Variants in TMPRSS11A observed in about 807,000 individuals in gnomAD.
The protein encoded by TMPRSS11A is transmembrane protease serine 11A.
In TMPRSS11A, 53 loss-of-function variants were observed where a neutral mutation model predicts 58.9. That is an observed-to-expected ratio of 0.90 (90% CI 0.72 to 1.13). The LOEUF (loss-of-function observed/expected upper bound fraction) is 1.13, where lower values mean the gene tolerates loss of function less well. Among genes scored for constraint, TMPRSS11A ranks in the 50% most tolerant of loss-of-function variants. The pLI is 0.00. For missense variants in TMPRSS11A, 493 were observed against 499.3 expected, an observed-to-expected ratio of 0.99 and a Z score of 0.12; for synonymous variants, 167 against 169.8, an observed-to-expected ratio of 0.98 and a Z score of 0.13.
At chr4:67,922,978 A>C in intron 6 of TMPRSS11A, 52 bp from the exon 7 acceptor site, 1 of 1,571,836 alleles carries the variant, frequency 6.4e-7, no homozygotes, top group Non-Finnish European at 8.7e-7. Context: ...TAATTACAGG[A>C]AATGACCCCA....
chr4:67,948,153 T>TC (rs1308807262), intron 1 of TMPRSS11A, among the ~76,000 whole-genome samples: 1 of 141,058 alleles, frequency 7.1e-6, no homozygotes, highest in African/African-American at 2.7e-5. Context: ...TTTTCTTTTT[T>TC]TTTTTTTTTT....
chr4:67,910,766 G>A lies in TMPRSS11A; in HGVS notation c.*576C>T, dbSNP rs1200713446. ...GAGGTTTTATAACTAAAAAAAGTTA[G>A]AAGATCTCTGGCTTGTTTTACTATC... On this transcript the variant is annotated 3_prime_UTR_variant, in exon 10 of 10. Coordinates refer to ENST00000508048, the MANE Select transcript of TMPRSS11A (RefSeq NM_001114387.2). 6 of 151,832 alleles carry A rather than the reference G, an allele frequency of 4.0e-5. No homozygotes were observed. The highest frequency in any genetic ancestry group is 1.9e-4 in the East Asian group (1 of 5,188). 9.4% of individuals were successfully genotyped at this position (151,832 alleles called of 1,614,324 possible).
chr4:67,911,673 G>T (rs955791994), intron 9 of TMPRSS11A, among the ~76,000 whole-genome samples, 170 bp from the exon 10 acceptor site: 29 of 152,100 alleles, frequency 1.9e-4, no homozygotes, highest in Middle Eastern at 3.4e-3. Context: ...GAGCCTTAAG[G>T]TTCAACTTTC....
rs1181446123 is a variant in TMPRSS11A, at chr4:67,910,393, T to C, written c.*949A>G. 6.6e-6 allele frequency: 1 copy of C among 152,116 alleles called. No individual in the cohort carries two copies. Among genetic ancestry groups the C allele is most frequent in the Non-Finnish European group, 1.5e-5 (1 of 67,948 alleles). 9.4% of individuals were successfully genotyped at this position (152,116 alleles called of 1,614,324 possible). A position where few individuals can be genotyped will look rare whatever the true frequency, so the allele number is the denominator to read the frequency against. ...TAGCAATGCGAGGGCATAAAATTTT[T>C]CTTGCTACGGAGGAACATAATGTTC... On this transcript the variant is annotated 3_prime_UTR_variant, in exon 10 of 10. Coordinates refer to ENST00000508048, the MANE Select transcript of TMPRSS11A (RefSeq NM_001114387.2).
intron 9 of TMPRSS11A, among the ~76,000 whole-genome samples, chr4:67,912,087 A>G (rs1041263779): frequency 1.3e-5 from 2 of 152,300 alleles, no homozygotes; most frequent in African/African-American, 4.8e-5. Flanking sequence ...TATTTGGATT[A>G]CAGAAATCTT....
Position 67,923,483 on chromosome 4 carries a change from G to T in TMPRSS11A, c.521-557C>A, listed in dbSNP as rs1040397295. 2.6e-5 allele frequency among the ~76,000 whole-genome samples: 4 copies of T among 152,232 alleles called. No individual in the cohort carries two copies. In the South Asian group the frequency reaches 8.3e-4, roughly 32 times the overall value. ...GTGATTTAATGAAGCCACTGTTAGC[G>T]ATTAAGATGAATCTATTAAGCATAT... On this transcript the variant is annotated intron_variant, in intron 6 of 9. Transcript: ENST00000508048.
At chr4:67,924,407 G>A (rs1364718889) in intron 5 of TMPRSS11A, among the ~76,000 whole-genome samples, 1 of 152,182 alleles carries the variant, frequency 6.6e-6, no homozygotes, top group African/African-American at 2.4e-5. Flanking sequence ...CACAAATAGT[G>A]GATGACTAAA....
At position 67,944,642 on chromosome 4, in the gene TMPRSS11A, A is replaced by G. The variant is rs375135683; in HGVS notation, c.134-5T>C. ...GATAGTACTCCTTTTTTTGGTCTGC[A>G]ATGGAAATGAAAAATAGGAAACTAA... is the stretch of plus-strand genomic sequence containing the variant. On this transcript the variant is annotated splice_region_variant and splice_polypyrimidine_tract_variant and intron_variant, in intron 2 of 9. Coordinates refer to ENST00000508048, the MANE Select transcript of TMPRSS11A (RefSeq NM_001114387.2). 7 of 1,605,420 alleles carry G rather than the reference A, an allele frequency of 4.4e-6. No individual in the cohort carries two copies. Among genetic ancestry groups the G allele is most frequent in the African/African-American group, 1.3e-5 (1 of 74,238 alleles).
At position 67,909,791 on chromosome 4, in the gene TMPRSS11A, A is replaced by G. The variant is rs1719919544; in HGVS notation, c.*1551T>C. The G allele has an allele frequency of 6.6e-6, 1 of 152,138 alleles. No homozygotes were observed. The highest frequency in any genetic ancestry group is 2.4e-5 in the African/African-American group (1 of 41,450). 9.4% of individuals were successfully genotyped at this position (152,138 alleles called of 1,614,324 possible). A position where few individuals can be genotyped will look rare whatever the true frequency, so the allele number is the denominator to read the frequency against. Reference sequence around the variant, plus strand: ...GAATTCAATAAAAATAGTTAAGAATATACTCATATTCTTAAACATAACATA... The same window carrying G: ...GAATTCAATAAAAATAGTTAAGAATGTACTCATATTCTTAAACATAACATA... On this transcript the variant is annotated 3_prime_UTR_variant, in exon 10 of 10. Coordinates refer to ENST00000508048, the MANE Select transcript of TMPRSS11A (RefSeq NM_001114387.2).
At chr4:67,942,468 G>T (rs1425459480) in intron 3 of TMPRSS11A, among the ~76,000 whole-genome samples, 1 of 152,190 alleles carries the variant, frequency 6.6e-6, no homozygotes, top group Admixed American at 6.5e-5. Flanking sequence ...CTAGAGCCTT[G>T]ATCATCTTCA....
intron 1 of TMPRSS11A, among the ~76,000 whole-genome samples, chr4:67,951,553 A>G (rs10866201): frequency 0.17 from 25,935 of 150,838 alleles, 2,627 homozygotes; most frequent in Admixed American, 0.31. Context: ...TTGTCATTTT[A>G]TCTCTAAGCT....
intron 1 of TMPRSS11A, among the ~76,000 whole-genome samples, chr4:67,956,682 C>T (rs1309151896): frequency 6.6e-6 from 1 of 152,322 alleles, no homozygotes; most frequent in South Asian, 2.1e-4. Context: ...TGTTGATGCA[C>T]TACAAATGAA....
At chr4:67,933,510 T>C (rs1720679151) in intron 3 of TMPRSS11A, among the ~76,000 whole-genome samples, 1 of 152,222 alleles carries the variant, frequency 6.6e-6, no homozygotes, top group African/African-American at 2.4e-5. Context: ...CTTGTAGAGA[T>C]ATAGATTTGG....
intron 3 of TMPRSS11A, among the ~76,000 whole-genome samples, chr4:67,936,456 A>T (rs1720756412): frequency 6.6e-6 from 1 of 152,000 alleles, no homozygotes; most frequent in African/African-American, 2.4e-5. Flanking sequence ...CTTGGGGTCA[A>T]GCCTAACTGC....
At chr4:67,930,942 ATAAAGATC>A (rs1720601122) in intron 4 of TMPRSS11A, among the ~76,000 whole-genome samples, 1 of 150,666 alleles carries the variant, frequency 6.6e-6, no homozygotes, top group African/African-American at 2.4e-5. Context: ...GCTCTGGAAT[ATAAAGATC>A]TAAATAACTA....
Position 67,934,876 on chromosome 4 carries a change from G to A in TMPRSS11A, c.253-2816C>T, listed in dbSNP as rs146408232. Among the ~76,000 whole-genome samples, 435 of 152,234 alleles carry A rather than the reference G, an allele frequency of 2.9e-3. 1 individual carries two copies. Among genetic ancestry groups the A allele is most frequent in the Non-Finnish European group, 4.6e-3 (311 of 68,008 alleles). The stretch of plus-strand genomic sequence containing the variant: ...CAGTCAATGTATTCACTTAGGGAGT[G>A]TTTTGTGGCTAACACTGTAAACCTC... On this transcript the variant is annotated intron_variant, in intron 3 of 9. Coordinates refer to ENST00000508048, the MANE Select transcript of TMPRSS11A (RefSeq NM_001114387.2).
chr4:67,948,047 G>A (rs1015860353), intron 1 of TMPRSS11A, among the ~76,000 whole-genome samples: 2 of 151,892 alleles, frequency 1.3e-5, no homozygotes, highest in Non-Finnish European at 2.9e-5. Context: ...TATATTGATA[G>A]CCTAAATTTT....
chr4:67,934,837 G>C (rs145354690), intron 3 of TMPRSS11A, among the ~76,000 whole-genome samples: 2 of 152,174 alleles, frequency 1.3e-5, no homozygotes, highest in Non-Finnish European at 2.9e-5. Flanking sequence ...CTTCCTGACT[G>C]GCTCCCCTTA....
intron 5 of TMPRSS11A, among the ~76,000 whole-genome samples, chr4:67,929,538 C>G (rs148986890): frequency 6.6e-6 from 1 of 152,220 alleles, no homozygotes; most frequent in South Asian, 2.1e-4. Context: ...TTAGGAAGGT[C>G]CCACCCAGAA....
Sources: allele counts gnomAD v4.1 joint callset (sites outside exome capture counted in the v4.1 genomes callset), GRCh38; gene constraint gnomAD v4.1.1; transcripts MANE v1.5; gene names NCBI Gene and HGNC (gene_info 2026-07-23, HGNC 2026-07-21).